Variants in TACC2 observed in about 807,000 individuals in gnomAD.
The protein encoded by TACC2 is transforming acidic coiled-coil-containing protein 2.
Under a neutral mutation model 227.3 loss-of-function variants are expected in TACC2, and 137 were observed. The observed-to-expected ratio is 0.60, with a 90% confidence interval of 0.52 to 0.69. The LOEUF (loss-of-function observed/expected upper bound fraction) is 0.69, where lower values mean the gene tolerates loss of function less well. Ranked by LOEUF, TACC2 falls within the 30% of genes least tolerant of loss-of-function variation. TACC2 has a pLI of 0.00. For missense variants in TACC2, 3,470 were observed against 3,694.4 expected (o/e 0.94, Z 1.57); for synonymous variants, 1,523 against 1,487.5 (o/e 1.02, Z -0.55).
intron 2 of TACC2, among the ~76,000 whole-genome samples, chr10:122,032,604 G>C (rs965426919): frequency 3.9e-5 from 6 of 152,044 alleles, no homozygotes; most frequent in Non-Finnish European, 8.8e-5. Flanking sequence ...CTCTCTCTCT[G>C]TTGTCTCATT....
In TACC2 at chr10:122,131,024, A is replaced by G. The variant is rs565208120; in HGVS notation, c.5574-1585A>G. ...CTAAATAAATAAACATTTAAAAAAA[A>G]TGTCTGGGCTGGGCAAGGTGGCCCA... On this transcript the variant is annotated intron_variant, in intron 5 of 22. Coordinates refer to ENST00000369005, the MANE Select transcript of TACC2 (RefSeq NM_206862.4). Among the ~76,000 whole-genome samples the G allele has an allele frequency of 2.6e-5, 4 of 152,066 alleles. No homozygotes were observed. The East Asian group carries it at 5.8e-4, about 22-fold the overall frequency.
rs138571175 is a variant in TACC2 at position 121,994,976 on chromosome 10, C to T, written c.-46+5488C>T. Among the ~76,000 whole-genome samples the T allele has an allele frequency of 1.3e-3, 195 of 152,260 alleles. 1 individual carries two copies. The highest frequency in any genetic ancestry group is 4.6e-3 in the African/African-American group (190 of 41,552). ...TTCATTTGTGAAATAAGGAGTTGCG[C>T]TGGATGATTACTGGAATTTCTTCTG... is the stretch of plus-strand genomic sequence containing the variant. On this transcript the variant is annotated intron_variant, in intron 1 of 22. Coordinates refer to ENST00000369005, the MANE Select transcript of TACC2 (RefSeq NM_206862.4).
At chr10:122,129,120 A>G (rs945099645) in intron 5 of TACC2, among the ~76,000 whole-genome samples, 28 of 149,116 alleles carry the variant, frequency 1.9e-4, no homozygotes, top group Middle Eastern at 3.6e-3. Flanking sequence ...TGCTCTTGTC[A>G]CCCAGGCTGG....
chr10:122,110,648 T>C (rs2083479276), intron 5 of TACC2, among the ~76,000 whole-genome samples: 1 of 152,228 alleles, frequency 6.6e-6, no homozygotes, highest in Non-Finnish European at 1.5e-5. Context: ...AGAGTGGTTC[T>C]CCTGCAGTGA....
chr10:122,121,633 T>C (rs1489047321), intron 5 of TACC2, among the ~76,000 whole-genome samples: 1 of 152,266 alleles, frequency 6.6e-6, no homozygotes, highest in African/African-American at 2.4e-5. Flanking sequence ...GCGCTGCTTA[T>C]AATTGAAACG....
In TACC2 at chr10:122,087,708, G is replaced by A. The variant is rs2080238311; in HGVS notation, c.5208G>A (p.Val1736=). Residue 1736 remains valine, a synonymous_variant, in exon 4 of 23, where the codon GTG becomes GTA. Coordinates refer to ENST00000369005, the MANE Select transcript of TACC2 (RefSeq NM_206862.4). ...EAGTTRTFSV[V]AGDLVLPGSC... is the part of the protein sequence containing the mutation. ...GTACTACGAGGACATTCTCCGTTGT[G>A]GCAGGTGACTTGGTGCTGCCAGGAA... 3.1e-6 allele frequency: 5 copies of A among 1,612,872 alleles called. No individual in the cohort carries two copies. The highest frequency in any genetic ancestry group is 4.2e-6 in the Non-Finnish European group (5 of 1,179,826).
chr10:122,242,544 T>C (rs2096019571), intron 19 of TACC2, among the ~76,000 whole-genome samples: 1 of 152,168 alleles, frequency 6.6e-6, no homozygotes, highest in South Asian at 2.1e-4. Flanking sequence ...GAATCCTTCT[T>C]AACACGGCGT....
intron 1 of TACC2, among the ~76,000 whole-genome samples, chr10:122,015,903 C>A (rs1956544935): frequency 6.6e-6 from 1 of 151,662 alleles, no homozygotes; most frequent in Non-Finnish European, 1.5e-5. Context: ...TCCCTCTGTG[C>A]CCTCAGTGTT....
At chr10:122,075,367 C>T (rs1349387434) in intron 3 of TACC2, among the ~76,000 whole-genome samples, 1 of 152,062 alleles carries the variant, frequency 6.6e-6, no homozygotes, top group East Asian at 1.9e-4. Context: ...GGGAGCTCGT[C>T]ACGTGGCAAA....
At chr10:122,133,214 G>A (rs530241833) in intron 6 of TACC2, among the ~76,000 whole-genome samples, 39 of 152,184 alleles carry the variant, frequency 2.6e-4, no homozygotes, top group African/African-American at 9.4e-4. Flanking sequence ...GGGAGCCAGG[G>A]GCCTGGGGTC....
At position 122,180,164 on chromosome 10, in the gene TACC2, A is replaced by G. The variant is rs1292664055; in HGVS notation, c.5835-14876A>G. On this transcript the variant is annotated intron_variant, in intron 7 of 22. Transcript: ENST00000369005. This position sits in a 1 kb window ranked among gnomAD's most constrained non-coding sequence, Gnocchi z 4.5. ...TCATGGGTCTCAGCGAGGCCAGGTCATTGTCATTGTTACCTGCTTCTTGGG... is the reference window on the plus strand; with the variant it reads ...TCATGGGTCTCAGCGAGGCCAGGTCGTTGTCATTGTTACCTGCTTCTTGGG... 6.6e-6 allele frequency among the ~76,000 whole-genome samples: 1 copy of G among 151,994 alleles called. No homozygotes were observed. Among genetic ancestry groups the G allele is most frequent in the East Asian group, 1.9e-4 (1 of 5,182 alleles).
chr10:122,159,324 G>A (rs1172538343), intron 7 of TACC2, among the ~76,000 whole-genome samples: 2 of 152,328 alleles, frequency 1.3e-5, no homozygotes, highest in East Asian at 3.9e-4. Flanking sequence ...CATGGAAAGA[G>A]CATCCATCCT....
Position 122,211,577 on chromosome 10 carries a change from C to G in TACC2, c.7152C>G (p.Ser2384=), listed in dbSNP as rs375253951. 1.1e-5 allele frequency: 17 copies of G among 1,613,942 alleles called. 1 individual carries two copies. The highest frequency in any genetic ancestry group is 1.6e-4 in the Middle Eastern group (1 of 6,084). The change falls in exon 9 of 23, where the codon TCC becomes TCG. Residue 2384 remains serine (S), a synonymous_variant. Coordinates refer to ENST00000369005, the MANE Select transcript of TACC2 (RefSeq NM_206862.4). The stretch of plus-strand genomic sequence containing the variant: ...AGTCCGTTGACCCCTTTAAGACATC[C>G]TCTAAGACCCCCAGCTCACCTTCTA... ...CDESVDPFKT[S]SKTPSSPSKS... is the part of the protein sequence containing the mutation.
At position 122,254,085 on chromosome 10, in the gene TACC2, G is replaced by A; in HGVS notation, c.*29G>A. The A allele has an allele frequency of 1.2e-6, 2 of 1,600,834 alleles. No individual in the cohort carries two copies. The highest frequency in any genetic ancestry group is 1.1e-5 in the South Asian group (1 of 90,772). On this transcript the variant is annotated 3_prime_UTR_variant, in exon 23 of 23. Coordinates refer to ENST00000369005, the MANE Select transcript of TACC2 (RefSeq NM_206862.4). ...TGAACCGAATGTTTTGGACTTAACT[G>A]TTGCGTGCAATATGACCGTCGGCAC...
intron 8 of TACC2, among the ~76,000 whole-genome samples, chr10:122,200,116 G>T (rs1271889490): frequency 2.0e-5 from 3 of 152,250 alleles, no homozygotes; most frequent in African/African-American, 7.2e-5. Flanking sequence ...TCTTGGGCCG[G>T]CTGCTCCCTC....
At chr10:122,098,646 C>T (rs188975144) in intron 5 of TACC2, among the ~76,000 whole-genome samples, 11 of 152,286 alleles carry the variant, frequency 7.2e-5, no homozygotes, top group Admixed American at 5.9e-4. Context: ...ACCTGGCATG[C>T]AGTAAGCACT....
At chr10:122,102,776 T>A (rs1206836605) in intron 5 of TACC2, among the ~76,000 whole-genome samples, 1 of 152,190 alleles carries the variant, frequency 6.6e-6, no homozygotes, top group African/African-American at 2.4e-5. Context: ...TGAACTGGGC[T>A]CTGTGTGCCC....
chr10:122,093,856 G>A lies in TACC2; in HGVS notation c.5573+5265G>A, dbSNP rs148566394. On this transcript the variant is annotated intron_variant, in intron 5 of 22. Transcript: ENST00000369005. ...CTTGTAATTTGAAATGTATTTCTTC[G>A]AAACCATCCTGGAAATTAAGCAAAA... Among the ~76,000 whole-genome samples the A allele has an allele frequency of 6.9e-3, 1,056 of 152,202 alleles. 16 individuals carry two copies. Among genetic ancestry groups the A allele is most frequent in the African/African-American group, 0.024 (1,000 of 41,518 alleles).
In TACC2 at chr10:122,195,087, C is replaced by T; in HGVS notation, c.5882C>T (p.Pro1961Leu). Residue 1961 changes from proline to leucine, a missense_variant, in exon 8 of 23, where the codon CCT becomes CTT. By Grantham distance (98) the Pro-to-Leu change is moderately conservative. Around this residue, in one of 10 missense-constraint regions of TACC2, gnomAD observed 8 missense variants for 24.6 expected, o/e 0.33. Coordinates refer to ENST00000369005, the MANE Select transcript of TACC2 (RefSeq NM_206862.4). ...EAFETPESTT[P>L]VKAPPAPPPP... ...TTTGAGACCCCGGAGTCAACGACCC[C>T]TGTCAAAGCTCCGCCAGCTCCACCC... 6.2e-7 allele frequency: 1 copy of T among 1,613,898 alleles called. No homozygotes were observed. Among genetic ancestry groups the T allele is most frequent in the South Asian group, 1.1e-5 (1 of 91,034 alleles).
Sources: gnomAD v4.1 joint callset for allele counts (sites outside exome capture counted in the v4.1 genomes callset) on GRCh38, gnomAD v4.1.1 for gene constraint, gnomAD v4.1.1 regional missense constraint, Gnocchi (gnomAD v3.1) non-coding constraint, MANE v1.5 for transcripts, NCBI Gene and HGNC (gene_info 2026-07-23, HGNC 2026-07-21) for gene names.